Variants in CSMD3 observed in about 807,000 individuals in gnomAD.
The protein encoded by CSMD3 is CUB and Sushi multiple domains 3, also known as CUB and sushi domain-containing protein 3.
A neutral mutation model predicts 435.2 loss-of-function variants in CSMD3; 177 were observed. That is an observed-to-expected ratio of 0.41 (90% CI 0.36 to 0.46). The LOEUF (loss-of-function observed/expected upper bound fraction) is 0.46. Among genes scored for constraint, CSMD3 ranks in the 20% least tolerant of loss-of-function variants. The pLI is 0.34. For synonymous variants in CSMD3, 1,656 were observed against 1,520.5 expected (o/e 1.09, Z -2.07); for missense variants, 4,265 against 4,504.6 (o/e 0.95, Z 1.52).
rs143554128 is a variant in CSMD3 at position 112,508,882 on chromosome 8, A to G, written c.4757-2053T>C. Among the ~76,000 whole-genome samples, 589 of 152,228 alleles carry G rather than the reference A, an allele frequency of 3.9e-3. 3 individuals carry two copies. The highest frequency in any genetic ancestry group is 0.012 in the African/African-American group (507 of 41,520). ...CTGCACCCCTGTGCTGTATGTACCT[A>G]TGGGACAGATTAAGATGACTAACAA... is the stretch of plus-strand genomic sequence containing the variant. On this transcript the variant is annotated intron_variant, in intron 28 of 70. Coordinates refer to ENST00000297405, the MANE Select transcript of CSMD3 (RefSeq NM_198123.2).
chr8:112,500,005 G>C (rs1442313816), intron 30 of CSMD3, among the ~76,000 whole-genome samples: 1 of 151,918 alleles, frequency 6.6e-6, no homozygotes, highest in Non-Finnish European at 1.5e-5. Flanking sequence ...ACTACTCAGG[G>C]GGCTGAGGGA....
chr8:113,268,510 T>C (rs1339455724), intron 3 of CSMD3, among the ~76,000 whole-genome samples: 1 of 151,882 alleles, frequency 6.6e-6, no homozygotes, highest in African/African-American at 2.4e-5. Flanking sequence ...CAACTAGATA[T>C]TCATTAGAAA....
chr8:112,739,332 C>A (rs2077252875), intron 13 of CSMD3, among the ~76,000 whole-genome samples: 1 of 151,696 alleles, frequency 6.6e-6, no homozygotes, highest in South Asian at 2.1e-4. Flanking sequence ...CATTTGACTT[C>A]AAATCTGCTT....
At chr8:112,956,659 G>A (rs1343392848) in intron 7 of CSMD3, among the ~76,000 whole-genome samples, 1 of 152,090 alleles carries the variant, frequency 6.6e-6, no homozygotes, top group Non-Finnish European at 1.5e-5. Flanking sequence ...AAATCCTACG[G>A]ATCAAAGAGT....
At chr8:112,295,113 C>T (rs1211533835) in intron 54 of CSMD3, among the ~76,000 whole-genome samples, 2 of 152,090 alleles carry the variant, frequency 1.3e-5, no homozygotes, top group Non-Finnish European at 2.9e-5. Context: ...TTCGCAACCT[C>T]ATAAATAATT....
chr8:112,981,988 A>C lies in CSMD3; in HGVS notation c.1031-5840T>G, dbSNP rs566844150. 7.2e-5 allele frequency among the ~76,000 whole-genome samples: 11 copies of C among 151,984 alleles called. 1 individual carries two copies. Among genetic ancestry groups the C allele is most frequent in the African/African-American group, 2.4e-4 (10 of 41,542 alleles). ...ATTTCTTAGTACAAAAAATATAATA[A>C]GAGTGTGCTAGAGAAAAGCTATTTT... On this transcript the variant is annotated intron_variant, in intron 6 of 70. Transcript: ENST00000297405.
intron 27 of CSMD3, among the ~76,000 whole-genome samples, chr8:112,526,422 A>T (rs565178511): frequency 6.6e-6 from 1 of 150,890 alleles, no homozygotes; most frequent in South Asian, 2.1e-4. Flanking sequence ...ACACAACCAC[A>T]CCCACAACCC....
intron 9 of CSMD3, among the ~76,000 whole-genome samples, chr8:112,923,388 G>A (rs2082806704): frequency 6.6e-6 from 1 of 152,034 alleles, no homozygotes; most frequent in Admixed American, 6.6e-5. Flanking sequence ...TAATTTGCAG[G>A]ATTAATTTCC....
intron 32 of CSMD3, among the ~76,000 whole-genome samples, chr8:112,461,069 G>A (rs1289739568): frequency 6.6e-6 from 1 of 151,984 alleles, no homozygotes; most frequent in African/African-American, 2.4e-5. Flanking sequence ...TCTAAAGTAG[G>A]TAATTAAATC....
rs1250478446 is a variant in CSMD3, at chr8:113,112,466, CACACACGT to C, written c.710-13511_710-13504del. 1.0e-3 allele frequency among the ~76,000 whole-genome samples: 51 copies of C among 51,068 alleles called. 1 individual carries two copies. Among genetic ancestry groups the C allele is most frequent in the Middle Eastern group, 6.9e-3 (1 of 144 alleles). 33.5% of individuals were successfully genotyped at this position (51,068 alleles called of 152,430 possible). A position where few individuals can be genotyped will look rare whatever the true frequency, so the allele number is the denominator to read the frequency against. ...ATATATATGTATATACACACACACA[CACACACGT>C]ACACACACACACACACACACACACA... On this transcript the variant is annotated intron_variant, in intron 4 of 70. Transcript: ENST00000297405.
At chr8:112,394,837 T>A (rs1003961238) in intron 35 of CSMD3, among the ~76,000 whole-genome samples, 1 of 152,222 alleles carries the variant, frequency 6.6e-6, no homozygotes, top group Non-Finnish European at 1.5e-5. Context: ...GACAAAGATC[T>A]TATATTCTTA....
intron 5 of CSMD3, among the ~76,000 whole-genome samples, chr8:113,036,086 CTTACT>C (rs931715460): frequency 1.2e-4 from 18 of 151,884 alleles, no homozygotes; most frequent in Admixed American, 8.5e-4. Flanking sequence ...GAGCTAGCTA[CTTACT>C]TTATCTACTT....
intron 32 of CSMD3, among the ~76,000 whole-genome samples, chr8:112,418,956 A>C (rs1203925667): frequency 6.6e-6 from 1 of 152,116 alleles, no homozygotes; most frequent in Non-Finnish European, 1.5e-5. Context: ...AACATAAATA[A>C]ATTTTGTGTT....
chr8:112,854,959 C>T (rs1205443281), intron 11 of CSMD3, among the ~76,000 whole-genome samples: 1 of 152,042 alleles, frequency 6.6e-6, no homozygotes, highest in Non-Finnish European at 1.5e-5. Context: ...CAATATGTGG[C>T]TATTGAGCAC....
At chr8:112,684,670 A>G (rs1163794571) in intron 15 of CSMD3, among the ~76,000 whole-genome samples, 1 of 152,100 alleles carries the variant, frequency 6.6e-6, no homozygotes, top group African/African-American at 2.4e-5. Flanking sequence ...TTCTATGATT[A>G]TAAACATTTT....
chr8:113,362,076 T>C (rs2094281007), intron 1 of CSMD3, among the ~76,000 whole-genome samples: 2 of 152,184 alleles, frequency 1.3e-5, no homozygotes, highest in Admixed American at 1.3e-4. Flanking sequence ...GAAAATAGCA[T>C]TTGTAGCTAA....
At chr8:112,944,700 G>A (rs576129905) in intron 9 of CSMD3, among the ~76,000 whole-genome samples, 4 of 151,386 alleles carry the variant, frequency 2.6e-5, no homozygotes, top group South Asian at 2.1e-4. Context: ...TCTGTCCTCC[G>A]TGCTCAATTT....
intron 27 of CSMD3, among the ~76,000 whole-genome samples, chr8:112,546,955 T>C (rs554965567): frequency 2.1e-4 from 32 of 152,294 alleles, no homozygotes; most frequent in Non-Finnish European, 3.7e-4. Context: ...GGGAAACACG[T>C]ATCACCTGTT....
chr8:112,698,258 G>A (rs72678460), intron 13 of CSMD3, among the ~76,000 whole-genome samples: 15,105 of 152,114 alleles, frequency 0.099, 932 homozygotes, highest in Middle Eastern at 0.27. Flanking sequence ...AGAACCCTAA[G>A]GGGTTAAACT....
Sources: allele counts gnomAD v4.1 joint callset (sites outside exome capture counted in the v4.1 genomes callset), GRCh38; gene constraint gnomAD v4.1.1; transcripts MANE v1.5; gene names NCBI Gene and HGNC (gene_info 2026-07-23, HGNC 2026-07-21).